The following ANK2 variants were observed in gnomAD, a reference collection of about 807,000 sequenced individuals.
ANK2 encodes the protein ankyrin-2.
In ANK2, 83 loss-of-function variants were observed where a neutral mutation model predicts 360.5. The ratio of observed to expected loss-of-function variants is 0.23; its 90% CI spans 0.19 to 0.28. The LOEUF (loss-of-function observed/expected upper bound fraction) is 0.28, where lower values mean the gene tolerates loss of function less well. Among genes scored for constraint, ANK2 ranks in the 10% least tolerant of loss-of-function variants. ANK2 has a pLI of 1.00. For synonymous variants in ANK2, 1,740 were observed against 1,759.5 expected (o/e 0.99, Z 0.28); for missense variants, 4,201 against 4,795.7 (o/e 0.88, Z 3.66).
At chr4:113,039,088 T>C (rs936707901) in intron 2 of ANK2, among the ~76,000 whole-genome samples, 1 of 152,104 alleles carries the variant, frequency 6.6e-6, no homozygotes, top group Non-Finnish European at 1.5e-5. Context: ...AGTTAAAAGT[T>C]AGAGAACACT....
At chr4:112,803,679 A>G in the ANK2 span, among the ~76,000 whole-genome samples, 1 of 152,180 alleles carries the variant, frequency 6.6e-6, no homozygotes, top group Admixed American at 6.5e-5. Flanking sequence ...GAACATACAT[A>G]CACTAAAAAA....
chr4:112,831,225 C>T lies in ANK2; in HGVS notation c.-40+12961C>T, dbSNP rs112025434. Among the ~76,000 whole-genome samples, 522 of 152,362 alleles carry T rather than the reference C, an allele frequency of 3.4e-3. 2 individuals carry two copies. Among genetic ancestry groups the T allele is most frequent in the African/African-American group, 0.012 (489 of 41,594 alleles). On this transcript the variant is annotated intron_variant, in intron 1 of 30. Transcript: ENST00000503271. ...CGTGGGACTGGCAGGCAGCTCTGCC[C>T]ACGGCCCTGGTGCAGGATCCACTAG...
At chr4:113,008,714 T>C in intron 2 of ANK2, among the ~76,000 whole-genome samples, 1 of 152,108 alleles carries the variant, frequency 6.6e-6, no homozygotes, top group East Asian at 1.9e-4. Flanking sequence ...TTTGTATCAT[T>C]AGTGGGATAT....
intron 45 of ANK2, among the ~76,000 whole-genome samples, chr4:113,374,586 G>A (rs1470136452): frequency 6.6e-6 from 1 of 152,204 alleles, no homozygotes; most frequent in Admixed American, 6.5e-5. Flanking sequence ...CAGTCATGAT[G>A]TAGATATTAC....
intron 4 of ANK2, among the ~76,000 whole-genome samples, chr4:113,210,966 A>G (rs574427968): frequency 1.3e-5 from 2 of 152,352 alleles, no homozygotes; most frequent in South Asian, 4.1e-4. Flanking sequence ...CTAAATTTGC[A>G]TTCAAATAAA....
At chr4:113,147,688 A>C (rs2096885666) in intron 1 of ANK2, among the ~76,000 whole-genome samples, 1 of 152,232 alleles carries the variant, frequency 6.6e-6, no homozygotes, top group African/African-American at 2.4e-5. Flanking sequence ...GGTTCTAGGT[A>C]GTTTAAGTTG....
chr4:112,892,385 A>G (rs1290510007), intron 1 of ANK2, among the ~76,000 whole-genome samples: 1 of 152,230 alleles, frequency 6.6e-6, no homozygotes, highest in Non-Finnish European at 1.5e-5. Context: ...AATTATACAT[A>G]CATCTACCTT....
At chr4:113,281,211 T>C (rs2062187005) in intron 17 of ANK2, among the ~76,000 whole-genome samples, 1 of 152,140 alleles carries the variant, frequency 6.6e-6, no homozygotes, top group Non-Finnish European at 1.5e-5. Context: ...TTGGTACACT[T>C]TGCAGTTAGC....
chr4:113,136,289 C>T (rs2096405556), intron 1 of ANK2, among the ~76,000 whole-genome samples: 1 of 152,142 alleles, frequency 6.6e-6, no homozygotes, highest in Middle Eastern at 3.2e-3. Context: ...CCAGGCAGGG[C>T]TTCCAAGAGG....
chr4:113,189,897 G>A (rs2098628768), intron 2 of ANK2, among the ~76,000 whole-genome samples: 1 of 152,016 alleles, frequency 6.6e-6, no homozygotes. Flanking sequence ...CTTTTAAGAT[G>A]GGTTCATTGA....
chr4:113,013,470 C>T (rs555867623), intron 2 of ANK2, among the ~76,000 whole-genome samples: 15 of 152,138 alleles, frequency 9.9e-5, no homozygotes, highest in Admixed American at 5.2e-4. Flanking sequence ...ATGATAATAG[C>T]TCTATTTTTC....
chr4:113,040,223 C>T (rs1456689188), intron 2 of ANK2, among the ~76,000 whole-genome samples: 3 of 151,984 alleles, frequency 2.0e-5, no homozygotes, highest in African/African-American at 7.2e-5. Flanking sequence ...AGCTCACCCA[C>T]ATTTTGTTAT....
intron 2 of ANK2, among the ~76,000 whole-genome samples, chr4:112,941,574 CTT>C (rs939069243): frequency 2.9e-5 from 4 of 139,040 alleles, no homozygotes; most frequent in African/African-American, 7.8e-5. Flanking sequence ...ATAAATATAT[CTT>C]TATATAAAAA....
rs534183423 is a variant in ANK2 at position 112,900,134 on chromosome 4, G to A, written c.-39-4321G>A. 1.4e-3 allele frequency among the ~76,000 whole-genome samples: 208 copies of A among 152,054 alleles called. 1 individual carries two copies. The highest frequency in any genetic ancestry group is 4.6e-3 in the African/African-American group (191 of 41,496). ...TCATTTTACTAATTTTGTTCCATCT[G>A]TCTTCCACCCCACATTTTTTTGGTT... On this transcript the variant is annotated intron_variant, in intron 1 of 30. Coordinates refer to the ANK2 transcript ENST00000503271.
chr4:112,946,240 C>CTGCAT (rs2094535424), intron 2 of ANK2, among the ~76,000 whole-genome samples: 1 of 152,014 alleles, frequency 6.6e-6, no homozygotes, highest in Non-Finnish European at 1.5e-5. Context: ...TGGAAAGGAG[C>CTGCAT]CCATGTCAAC....
chr4:113,117,181 A>G lies in ANK2; in HGVS notation c.85-57235A>G, dbSNP rs9997549. The G allele has an allele frequency of 4.9e-3, 1,950 of 401,444 alleles. 44 individuals carry two copies. Among genetic ancestry groups the G allele is most frequent in the African/African-American group, 0.038 (1,839 of 47,940 alleles). 24.9% of individuals were successfully genotyped at this position (401,444 alleles called of 1,614,324 possible). A position where few individuals can be genotyped will look rare whatever the true frequency, so the allele number is the denominator to read the frequency against. On this transcript the variant is annotated intron_variant, in intron 1 of 45. Coordinates refer to ENST00000357077, the MANE Select transcript of ANK2 (RefSeq NM_001148.6). Reference sequence around the variant, plus strand: ...CTTGTGAGTGTTCTGGCTGCCAGCCATTGCCCTGGTGGGGAAAATCACATC... The same window carrying G: ...CTTGTGAGTGTTCTGGCTGCCAGCCGTTGCCCTGGTGGGGAAAATCACATC...
At chr4:113,219,472 T>C (rs2099125025) in intron 4 of ANK2, among the ~76,000 whole-genome samples, 1 of 152,120 alleles carries the variant, frequency 6.6e-6, no homozygotes, top group South Asian at 2.1e-4. Flanking sequence ...TTAATATTTC[T>C]ATTGACAACT....
At chr4:112,872,520 A>G (rs1406882138) in intron 1 of ANK2, among the ~76,000 whole-genome samples, 1 of 152,098 alleles carries the variant, frequency 6.6e-6, no homozygotes, top group Non-Finnish European at 1.5e-5. Context: ...TATTTTTAAT[A>G]GAGACGAGGT....
the ANK2 span, among the ~76,000 whole-genome samples, chr4:112,744,548 C>T: frequency 2.6e-5 from 4 of 152,054 alleles, no homozygotes; most frequent in East Asian, 7.8e-4. Flanking sequence ...TGGGGTTTTA[C>T]GATGTTGGCC....
Sources: gnomAD v4.1 joint callset for allele counts (sites outside exome capture counted in the v4.1 genomes callset) on GRCh38, gnomAD v4.1.1 for gene constraint, MANE v1.5 for transcripts, NCBI Gene and HGNC (gene_info 2026-07-23, HGNC 2026-07-21) for gene names.